Variants in PRKCZ observed in about 807,000 individuals in gnomAD.
PRKCZ encodes protein kinase C zeta, also known as protein kinase C zeta type.
PRKCZ carries 33 observed loss-of-function variants against 79.5 expected under a neutral mutation model. The observed-to-expected ratio is 0.41, with a 90% CI of 0.31 to 0.55. The LOEUF (loss-of-function observed/expected upper bound fraction) is 0.55, where lower values mean the gene tolerates loss of function less well. Ranked by LOEUF, PRKCZ falls within the 20% of genes least tolerant of loss-of-function variation. The pLI, the probability that PRKCZ is intolerant of heterozygous loss-of-function variation, is 0.19. For missense variants in PRKCZ, 578 were observed against 813.5 expected, an observed-to-expected ratio of 0.71 and a Z score of 3.52; for synonymous variants, 342 against 320.9, an observed-to-expected ratio of 1.07 and a Z score of -0.70.
In PRKCZ at chr1:2,185,349, G is replaced by GT; in HGVS notation, c.*341dup. On this transcript the variant is annotated 3_prime_UTR_variant, in exon 18 of 18. Transcript: ENST00000378567. The stretch of plus-strand genomic sequence containing the variant: ...TGCACTGACCTGCTCCGCCAGGAAA[G>GT]TGAGCGTGTAGCGTCCTGAGGAATA... 1.4e-6 allele frequency: 1 copy of GT among 718,854 alleles called. No homozygotes were observed. The highest frequency in any genetic ancestry group is 2.6e-6 in the Non-Finnish European group (1 of 385,154). The allele number at this position is 718,854 out of a possible 1,614,324, so 44.5% of individuals were successfully genotyped here. A position where few individuals can be genotyped will look rare whatever the true frequency, so the allele number is the denominator to read the frequency against.
intron 10 of PRKCZ, among the ~76,000 whole-genome samples, chr1:2,166,027 C>T (rs944468495): frequency 3.3e-5 from 5 of 152,336 alleles, no homozygotes; most frequent in Non-Finnish European, 5.9e-5. Context: ...GATCCGGCTG[C>T]GGTCTGCGTC....
At chr1:2,184,410 A>T in intron 16 of PRKCZ, 173 bp from the exon 17 acceptor site, 1 of 579,268 alleles carries the variant, frequency 1.7e-6, no homozygotes, top group African/African-American at 1.9e-5. Flanking sequence ...CTGACTTTGG[A>T]TATTTTCTAG....
rs1273814473 is a variant in PRKCZ at position 2,173,224 on chromosome 1, G to C, written c.1286-673G>C. Among the ~76,000 whole-genome samples the C allele has an allele frequency of 1.3e-5, 2 of 152,196 alleles. No individual in the cohort carries two copies. Among genetic ancestry groups the C allele is most frequent in the Non-Finnish European group, 2.9e-5 (2 of 68,026 alleles). On this transcript the variant is annotated intron_variant, in intron 13 of 17. Transcript: ENST00000378567. This position sits in a 1 kb window ranked among gnomAD's most constrained non-coding sequence, Gnocchi z 5.7. ...GGGCGGGCAGGTCACTCGCCGCTGG[G>C]ATAACTGGGCTCCCCAGCGGCCACA... is the stretch of plus-strand genomic sequence containing the variant.
At chr1:2,081,094 A>C (rs1663419491) in intron 4 of PRKCZ, among the ~76,000 whole-genome samples, 1 of 152,088 alleles carries the variant, frequency 6.6e-6, no homozygotes, top group African/African-American at 2.4e-5. Context: ...CTGTCTGCGG[A>C]GTGAGGCGTG....
intron 4 of PRKCZ, among the ~76,000 whole-genome samples, chr1:2,096,829 C>T (rs1173611486): frequency 1.3e-5 from 2 of 152,200 alleles, no homozygotes; most frequent in Admixed American, 1.3e-4. Context: ...CCTCGCTCTG[C>T]AACAAATCTC....
Position 2,150,793 on chromosome 1 carries a change from C to G in PRKCZ, c.691C>G (p.Leu231Val), listed in dbSNP as rs1233996294. 2 of 1,613,840 alleles carry G rather than the reference C, an allele frequency of 1.2e-6. No individual in the cohort carries two copies. Among genetic ancestry groups the G allele is most frequent in the Admixed American group, 1.7e-5 (1 of 60,012 alleles). ...HDSIKDDSEDLKPVIDGMDGI... is the reference protein window; with the variant it reads ...HDSIKDDSEDVKPVIDGMDGI... ...GGGTCTTGTTCTCCCTCCCTAGGACCTTAAGCCAGTTATCGATGGGATGGA... is the reference window on the plus strand; with the variant it reads ...GGGTCTTGTTCTCCCTCCCTAGGACGTTAAGCCAGTTATCGATGGGATGGA... The change falls in exon 9 of 18, where the codon CTT becomes GTT. Residue 231 changes from leucine (L) to valine (V), a missense_variant. Physicochemically the swap from Leu to Val is conservative, Grantham distance 32 (BLOSUM62 1). Coordinates refer to ENST00000378567, the MANE Select transcript of PRKCZ (RefSeq NM_002744.6).
At chr1:2,070,230 T>C (rs900462627) in intron 4 of PRKCZ, among the ~76,000 whole-genome samples, 3 of 151,978 alleles carry the variant, frequency 2.0e-5, no homozygotes, top group Admixed American at 6.5e-5. Flanking sequence ...GGGACCCTGC[T>C]CCAGCCTGCA....
intron 4 of PRKCZ, chr1:2,134,986 C>G: frequency 3.6e-6 from 1 of 276,690 alleles, no homozygotes; most frequent in South Asian, 6.2e-5. Flanking sequence ...AGCAAGCGGC[C>G]GTCCCGTGGT....
chr1:2,174,306 G>A lies in PRKCZ; in HGVS notation c.1405+290G>A, dbSNP rs144315021. ...CTGGAGCCCCAGCATGTCCTTGACCGAGGCTGTACCGAGCTGAAAGCACAG... is the reference window on the plus strand; with the variant it reads ...CTGGAGCCCCAGCATGTCCTTGACCAAGGCTGTACCGAGCTGAAAGCACAG... On this transcript the variant is annotated intron_variant, in intron 14 of 17. Coordinates refer to ENST00000378567, the MANE Select transcript of PRKCZ (RefSeq NM_002744.6). The surrounding 1 kb of genome is among the most constrained non-coding windows in gnomAD (Gnocchi z 6.2). Among the ~76,000 whole-genome samples, 460 of 152,258 alleles carry A rather than the reference G, an allele frequency of 3.0e-3. 8 individuals carry two copies. The highest frequency in any genetic ancestry group is 1.8e-3 in the Non-Finnish European group (122 of 68,004).
rs373563650 is a variant in PRKCZ at position 2,148,908 on chromosome 1, T to G, written c.671T>G (p.Ile224Ser). The G allele has an allele frequency of 4.0e-5, 64 of 1,613,786 alleles. No individual in the cohort carries two copies. The highest frequency in any genetic ancestry group is 1.0e-4 in the Admixed American group (6 of 59,992). The stretch of plus-strand genomic sequence containing the variant: ...TCCTCATCCCGGAAGCATGACAGCA[T>G]TAAAGACGACTCGGAGGTGAGTGTG... ...YISSSRKHDSIKDDSEDLKPV... is the reference protein window; with the variant it reads ...YISSSRKHDSSKDDSEDLKPV... The change falls in exon 8 of 18, where the codon ATT (isoleucine) becomes AGT (serine). Residue 224 changes from isoleucine to serine, a missense_variant. Ile to Ser is a moderately radical substitution (Grantham distance 142). This residue lies in a region of PRKCZ where 91 missense variants were observed against 97.5 expected (regional missense o/e 0.93). Coordinates refer to ENST00000378567, the MANE Select transcript of PRKCZ (RefSeq NM_002744.6).
chr1:2,094,741 G>A lies in PRKCZ; in HGVS notation c.334+35150G>A, dbSNP rs1453021835. Among the ~76,000 whole-genome samples the A allele has an allele frequency of 6.4e-5, 9 of 141,480 alleles. No individual in the cohort carries two copies. Among genetic ancestry groups the A allele is most frequent in the South Asian group, 2.3e-4 (1 of 4,298 alleles). 92.8% of individuals were successfully genotyped at this position (141,480 alleles called of 152,430 possible). The stretch of plus-strand genomic sequence containing the variant: ...GGGCGCTGCCCGTTCTGAGGCGCCC[G>A]CTGTGCCCGGCTCGTTGAACCTTGG... On this transcript the variant is annotated intron_variant, in intron 4 of 17. Coordinates refer to ENST00000378567, the MANE Select transcript of PRKCZ (RefSeq NM_002744.6). The surrounding 1 kb of genome is among the most constrained non-coding windows in gnomAD (Gnocchi z 7.3).
intron 4 of PRKCZ, among the ~76,000 whole-genome samples, chr1:2,087,909 C>T (rs1397932604): frequency 6.6e-6 from 1 of 152,202 alleles, no homozygotes; most frequent in Non-Finnish European, 1.5e-5. Context: ...TCACTGCCTG[C>T]ACCCGGGGAG....
At chr1:2,105,198 C>T (rs1393395882) in intron 4 of PRKCZ, among the ~76,000 whole-genome samples, 1 of 152,196 alleles carries the variant, frequency 6.6e-6, no homozygotes, top group Non-Finnish European at 1.5e-5. Flanking sequence ...CAGGAGACAG[C>T]TCTTGCGCTG....
In PRKCZ at chr1:2,136,098, C is replaced by A. The variant is rs1457993219; in HGVS notation, c.420+751C>A. Among the ~76,000 whole-genome samples the A allele has an allele frequency of 4.1e-4, 62 of 152,190 alleles. 1 individual carries two copies. The highest frequency in any genetic ancestry group is 2.9e-5 in the Non-Finnish European group (2 of 68,032). On this transcript the variant is annotated intron_variant, in intron 5 of 17. Coordinates refer to ENST00000378567, the MANE Select transcript of PRKCZ (RefSeq NM_002744.6). ...GCCCTGGGGCTACCTTTGCATTCCA[C>A]ACTCACCTGCCACGTGGCCTCACGT...
At chr1:2,169,666 C>T (rs551239173) in intron 11 of PRKCZ, 62 bp downstream of exon 11, 38 of 444,768 alleles carry the variant, frequency 8.5e-5, no homozygotes, top group East Asian at 6.3e-4. Flanking sequence ...TGGGTGCGTG[C>T]GGTGTTGGGG....
intron 4 of PRKCZ, among the ~76,000 whole-genome samples, chr1:2,062,035 G>A (rs979214801): frequency 1.3e-5 from 2 of 152,186 alleles, no homozygotes; most frequent in Non-Finnish European, 2.9e-5. Context: ...GGCAGACGAG[G>A]GCAGGACTGC....
chr1:2,105,032 T>TG, intron 4 of PRKCZ: 1 of 560,166 alleles, frequency 1.8e-6, no homozygotes. Context: ...GAGTTCAGAC[T>TG]TCTCAAGGAC....
At chr1:2,093,054 C>T (rs1318338152) in intron 4 of PRKCZ, among the ~76,000 whole-genome samples, 2 of 151,480 alleles carry the variant, frequency 1.3e-5, no homozygotes, top group African/African-American at 4.9e-5. Flanking sequence ...TGCCCAGTAG[C>T]ACAGAGATGC....
rs1055694411 is a variant in PRKCZ at position 2,172,442 on chromosome 1, C to T, written c.1285+54C>T. 8 of 1,547,874 alleles carry T rather than the reference C, an allele frequency of 5.2e-6. No homozygotes were observed. Among genetic ancestry groups the T allele is most frequent in the East Asian group, 2.3e-5 (1 of 42,702 alleles). On this transcript the variant is annotated intron_variant, in intron 13 of 17. Coordinates refer to ENST00000378567, the MANE Select transcript of PRKCZ (RefSeq NM_002744.6). The surrounding 1 kb of genome is among the most constrained non-coding windows in gnomAD (Gnocchi z 7.8). ...GAGCACACAGGGCCAGAGATGGCTT[C>T]GGGCCTGGCCCAGCAGCCAGGGAGA...
Sources: allele counts gnomAD v4.1 joint callset (sites outside exome capture counted in the v4.1 genomes callset), GRCh38; gene constraint gnomAD v4.1.1; regional missense constraint gnomAD v4.1.1; non-coding constraint Gnocchi (gnomAD v3.1); transcripts MANE v1.5; gene names NCBI Gene and HGNC (gene_info 2026-07-23, HGNC 2026-07-21).